Variants in CNTN4 observed in about 807,000 individuals in gnomAD.
The protein encoded by CNTN4 is contactin 4.
In CNTN4, 77 loss-of-function variants were observed where a neutral mutation model predicts 122.5. The observed-to-expected ratio is 0.63, with a 90% CI of 0.52 to 0.76. The LOEUF (loss-of-function observed/expected upper bound fraction) is 0.76. Among genes scored for constraint, CNTN4 ranks in the 30% least tolerant of loss-of-function variants. The pLI is 0.00. For synonymous variants in CNTN4, 512 were observed against 447.0 expected (o/e 1.15, Z -1.83); for missense variants, 1,256 against 1,259.1 (o/e 1.00, Z 0.04).
At chr3:2,359,677 C>A (rs559253611) in intron 3 of CNTN4, among the ~76,000 whole-genome samples, 16 of 152,122 alleles carry the variant, frequency 1.1e-4, no homozygotes, top group Admixed American at 3.3e-4. Context: ...GTAGTTGGGA[C>A]TACAGGCGCC....
At chr3:2,341,717 G>A (rs140210795) in intron 3 of CNTN4, among the ~76,000 whole-genome samples, 1 of 152,288 alleles carries the variant, frequency 6.6e-6, no homozygotes, top group African/African-American at 2.4e-5. Flanking sequence ...TTACATAATA[G>A]CTCTTTTTAA....
chr3:2,980,411 A>T (rs1475102304), intron 13 of CNTN4, among the ~76,000 whole-genome samples: 1 of 128,976 alleles, frequency 7.8e-6, no homozygotes, highest in Non-Finnish European at 1.5e-5. Context: ...TACATTTTCA[A>T]TTCTTTTCAT....
At chr3:2,179,290 G>T (rs7628183) in intron 2 of CNTN4, among the ~76,000 whole-genome samples, 2 of 151,654 alleles carry the variant, frequency 1.3e-5, no homozygotes, top group Non-Finnish European at 2.9e-5. Context: ...TTTTGGAGGG[G>T]GGAAATAAGA....
intron 13 of CNTN4, among the ~76,000 whole-genome samples, chr3:2,947,965 T>A (rs2094696984): frequency 6.6e-6 from 1 of 152,078 alleles, no homozygotes; most frequent in Non-Finnish European, 1.5e-5. Context: ...ATGTGCTGGG[T>A]GCGTTGTTTA....
chr3:3,019,245 G>A (rs889512663), intron 14 of CNTN4, among the ~76,000 whole-genome samples: 25 of 152,104 alleles, frequency 1.6e-4, no homozygotes, highest in African/African-American at 6.0e-4. Flanking sequence ...ATGACCATCA[G>A]GTACTGGTGT....
intron 7 of CNTN4, among the ~76,000 whole-genome samples, chr3:2,845,088 A>G (rs1332246545): frequency 1.3e-5 from 2 of 152,224 alleles, no homozygotes; most frequent in African/African-American, 4.8e-5. Context: ...AAGAGTTGTC[A>G]TTTCCGCAAA....
intron 6 of CNTN4, among the ~76,000 whole-genome samples, chr3:2,784,885 G>C (rs749149102): frequency 6.6e-6 from 1 of 152,134 alleles, no homozygotes; most frequent in Non-Finnish European, 1.5e-5. Context: ...TCCTACAGAA[G>C]TAAGTGCTGG....
chr3:2,567,461 C>T (rs903466041), intron 3 of CNTN4, among the ~76,000 whole-genome samples: 1 of 152,102 alleles, frequency 6.6e-6, no homozygotes, highest in Non-Finnish European at 1.5e-5. Flanking sequence ...AGCCTCTTTC[C>T]CCCTCAGCCT....
At chr3:2,201,139 C>T (rs1261780795) in intron 2 of CNTN4, among the ~76,000 whole-genome samples, 1 of 152,094 alleles carries the variant, frequency 6.6e-6, no homozygotes, top group Non-Finnish European at 1.5e-5. Flanking sequence ...ACACCCCACG[C>T]TACACTCTAC....
chr3:2,507,814 C>A (rs1384525054), intron 3 of CNTN4, among the ~76,000 whole-genome samples: 1 of 147,268 alleles, frequency 6.8e-6, no homozygotes, highest in African/African-American at 2.5e-5. Flanking sequence ...TAAGTCAGTT[C>A]TCCCCCAAAA....
At chr3:2,148,399 G>A (rs1325439858) in intron 2 of CNTN4, among the ~76,000 whole-genome samples, 1 of 151,822 alleles carries the variant, frequency 6.6e-6, no homozygotes, top group Non-Finnish European at 1.5e-5. Context: ...ATTAGCCTTG[G>A]TGGTGTGTGC....
chr3:2,176,523 T>G (rs2036754832), intron 2 of CNTN4, among the ~76,000 whole-genome samples: 1 of 152,116 alleles, frequency 6.6e-6, no homozygotes, highest in Admixed American at 6.6e-5. Flanking sequence ...AATACATATT[T>G]AAATTTAAAA....
chr3:2,986,870 C>T (rs1197465446), intron 13 of CNTN4, among the ~76,000 whole-genome samples: 1 of 152,204 alleles, frequency 6.6e-6, no homozygotes, highest in East Asian at 1.9e-4. Flanking sequence ...AGTCGTAAGA[C>T]AGACACCATC....
intron 2 of CNTN4, among the ~76,000 whole-genome samples, chr3:2,218,727 C>T (rs1306096101): frequency 1.3e-5 from 2 of 152,172 alleles, no homozygotes; most frequent in Admixed American, 6.5e-5. Context: ...TAAAAGTTTA[C>T]ATACAGCAAA....
intron 6 of CNTN4, among the ~76,000 whole-genome samples, chr3:2,807,315 T>C (rs2092491125): frequency 6.6e-6 from 1 of 152,154 alleles, no homozygotes; most frequent in African/African-American, 2.4e-5. Flanking sequence ...TCTAAATCGA[T>C]GATGAATGAA....
At chr3:2,725,314 C>A (rs2088147686) in intron 4 of CNTN4, among the ~76,000 whole-genome samples, 1 of 152,130 alleles carries the variant, frequency 6.6e-6, no homozygotes, top group Admixed American at 6.5e-5. Flanking sequence ...CATTCTAATG[C>A]ATATGCCTGC....
intron 6 of CNTN4, among the ~76,000 whole-genome samples, chr3:2,785,146 TAGAGAGAGAG>T (rs111372866): frequency 2.0e-5 from 3 of 150,920 alleles, no homozygotes; most frequent in South Asian, 2.1e-4. Flanking sequence ...CACATATATA[TAGAGAGAGAG>T]AGAGAGAGAG....
At chr3:2,342,907 G>A (rs111637913) in intron 3 of CNTN4, among the ~76,000 whole-genome samples, 1,684 of 152,324 alleles carry the variant, frequency 0.011, 42 homozygotes, top group African/African-American at 0.038. Context: ...TAGATTAATA[G>A]TTTCCAGAAA....
At chr3:2,372,984 T>A (rs1448982523) in intron 3 of CNTN4, among the ~76,000 whole-genome samples, 1 of 152,098 alleles carries the variant, frequency 6.6e-6, no homozygotes, top group Non-Finnish European at 1.5e-5. Flanking sequence ...GAGGCTGAGG[T>A]TGCAATGAGC....
Sources: gnomAD v4.1 joint callset for allele counts (sites outside exome capture counted in the v4.1 genomes callset) on GRCh38, gnomAD v4.1.1 for gene constraint, MANE v1.5 for transcripts, NCBI Gene and HGNC (gene_info 2026-07-23, HGNC 2026-07-21) for gene names.